Variants in TBL1XR1 observed in about 807,000 individuals in gnomAD.
TBL1XR1 encodes the protein F-box-like/WD repeat-containing protein TBL1XR1.
A neutral mutation model predicts 66.9 loss-of-function variants in TBL1XR1; 5 were observed. The observed-to-expected ratio is 0.07, with a 90% CI of 0.04 to 0.16. The LOEUF (loss-of-function observed/expected upper bound fraction) is 0.16. Ranked by LOEUF, TBL1XR1 falls within the 10% of genes least tolerant of loss-of-function variation. TBL1XR1 has a pLI of 1.00. For missense variants in TBL1XR1, 238 were observed against 623.2 expected (o/e 0.38, Z 6.58); for synonymous variants, 210 against 206.0 (o/e 1.02, Z -0.17).
intron 2 of TBL1XR1, among the ~76,000 whole-genome samples, chr3:177,094,753 G>T (rs184842734): frequency 6.6e-6 from 1 of 152,152 alleles, no homozygotes; most frequent in African/African-American, 2.4e-5. Flanking sequence ...TCACTCATAA[G>T]TGAGAGCGAA....
chr3:177,046,659 T>C (rs1716365121), intron 9 of TBL1XR1, among the ~76,000 whole-genome samples: 3 of 152,314 alleles, frequency 2.0e-5, no homozygotes, highest in South Asian at 2.1e-4. Flanking sequence ...TGGCGGTGAC[T>C]ATTAACAGGA....
chr3:177,166,635 T>C (rs1481024520), intron 1 of TBL1XR1, among the ~76,000 whole-genome samples: 1 of 152,214 alleles, frequency 6.6e-6, no homozygotes, highest in Non-Finnish European at 1.5e-5. Flanking sequence ...CCTTCTGCCA[T>C]GATTGTAAGT....
intron 2 of TBL1XR1, among the ~76,000 whole-genome samples, chr3:177,073,120 G>C (rs1720259231): frequency 1.3e-5 from 2 of 152,100 alleles, no homozygotes; most frequent in South Asian, 4.1e-4. Context: ...TTTAATATCT[G>C]ATACATTTAA....
At chr3:177,148,898 G>A (rs1041920588) in intron 1 of TBL1XR1, among the ~76,000 whole-genome samples, 1 of 151,738 alleles carries the variant, frequency 6.6e-6, no homozygotes, top group Non-Finnish European at 1.5e-5. Context: ...CAGCTACTCG[G>A]GAGGCTAAGG....
At chr3:177,187,896 A>G (rs1214025457) in intron 1 of TBL1XR1, among the ~76,000 whole-genome samples, 2 of 147,628 alleles carry the variant, frequency 1.4e-5, no homozygotes, top group Non-Finnish European at 3.0e-5. Context: ...ATTTTTAAAC[A>G]TTTAAAAAGA....
intron 1 of TBL1XR1, among the ~76,000 whole-genome samples, chr3:177,153,396 A>G (rs1342984984): frequency 6.6e-6 from 1 of 152,218 alleles, no homozygotes; most frequent in Non-Finnish European, 1.5e-5. Context: ...ACGCATGCAC[A>G]TATAAGACTT....
chr3:177,113,754 T>C (rs1259295351), intron 1 of TBL1XR1, among the ~76,000 whole-genome samples: 1 of 152,148 alleles, frequency 6.6e-6, no homozygotes, highest in Non-Finnish European at 1.5e-5. Context: ...ATCAACGGGT[T>C]TATGAAAGAA....
chr3:177,069,793 A>AAAGGAAGGGAAGGAAGGGAAGGAAGG (rs1693635433), intron 2 of TBL1XR1, among the ~76,000 whole-genome samples: 6 of 92,342 alleles, frequency 6.5e-5, no homozygotes, highest in African/African-American at 2.7e-4. Flanking sequence ...AAAAGGAAGG[A>AAAGGAAGGGAAGGAAGGGAAGGAAGG]AAGGAAGGAA....
At chr3:177,092,706 G>C (rs968740169) in intron 2 of TBL1XR1, among the ~76,000 whole-genome samples, 12 of 141,548 alleles carry the variant, frequency 8.5e-5, no homozygotes, top group Non-Finnish European at 1.9e-4. Context: ...AAAGAGTACA[G>C]AAGTTTTTCA....
chr3:177,105,359 A>G, intron 1 of TBL1XR1, among the ~76,000 whole-genome samples: 1 of 152,130 alleles, frequency 6.6e-6, no homozygotes, highest in Non-Finnish European at 1.5e-5. Context: ...TGGGGGGCCG[A>G]AGGAGGGGTG....
At chr3:177,050,179 C>T (rs1577025095) in intron 6 of TBL1XR1, 41 bp from the exon 7 acceptor site, 1 of 1,600,736 alleles carries the variant, frequency 6.2e-7, no homozygotes, top group Non-Finnish European at 8.5e-7. Flanking sequence ...TCATGACATT[C>T]TCACGTATCA....
intron 2 of TBL1XR1, among the ~76,000 whole-genome samples, chr3:177,080,107 T>C (rs1473106257): frequency 1.3e-5 from 2 of 152,206 alleles, no homozygotes; most frequent in East Asian, 1.9e-4. Flanking sequence ...GGGAACAAGG[T>C]TGAAAATAAT....
Position 177,085,937 on chromosome 3 carries a change from T to C in TBL1XR1, c.-46+12529A>G, listed in dbSNP as rs754477261. Among the ~76,000 whole-genome samples, 104 of 152,168 alleles carry C rather than the reference T, an allele frequency of 6.8e-4. 2 individuals are homozygous for C. Among genetic ancestry groups the C allele is most frequent in the Admixed American group, 2.0e-4 (3 of 15,264 alleles). On this transcript the variant is annotated intron_variant, in intron 2 of 15. Coordinates refer to ENST00000457928, the MANE Select transcript of TBL1XR1 (RefSeq NM_024665.7). Reference sequence around the variant, plus strand: ...TGCAAATGAGATAATGGTTCAATTCTTGGTTCTGTAACTATGACAAAGTAT... The same window carrying C: ...TGCAAATGAGATAATGGTTCAATTCCTGGTTCTGTAACTATGACAAAGTAT...
In TBL1XR1 at chr3:177,025,441, C is replaced by A; in HGVS notation, c.*57G>T. The A allele has an allele frequency of 1.3e-6, 2 of 1,591,364 alleles. No individual in the cohort carries two copies. The highest frequency in any genetic ancestry group is 1.7e-6 in the Non-Finnish European group (2 of 1,161,858). ...ACTATAGCAGTACATGGGTCAGGGA[C>A]AGTCATTTTGGCTATGTACACATTC... On this transcript the variant is annotated 3_prime_UTR_variant, in exon 16 of 16. Coordinates refer to ENST00000457928, the MANE Select transcript of TBL1XR1 (RefSeq NM_024665.7).
chr3:177,028,969 A>C (rs952929356), intron 14 of TBL1XR1, among the ~76,000 whole-genome samples: 5 of 152,164 alleles, frequency 3.3e-5, no homozygotes, highest in Admixed American at 3.3e-4. Context: ...ACAACTGACT[A>C]CCCAAATGGA....
chr3:177,037,465 T>C (rs1005103203), intron 12 of TBL1XR1: 1 of 152,190 alleles, frequency 6.6e-6, no homozygotes, highest in Non-Finnish European at 1.5e-5. Context: ...GCATTTAACT[T>C]AGCTGACTGA....
At chr3:177,037,990 A>T in intron 12 of TBL1XR1, 108 bp downstream of exon 12, 1 of 829,876 alleles carries the variant, frequency 1.2e-6, no homozygotes, top group Non-Finnish European at 1.9e-6. Context: ...GTTTTCATGC[A>T]GGTACAAACA....
At chr3:177,179,198 C>T (rs567597207) in intron 1 of TBL1XR1, among the ~76,000 whole-genome samples, 1 of 149,022 alleles carries the variant, frequency 6.7e-6, no homozygotes, top group Admixed American at 6.7e-5. Context: ...CCTCCAAAAA[C>T]TTCAAAGACT....
At chr3:177,193,589 G>A (rs1287045137) in intron 1 of TBL1XR1, among the ~76,000 whole-genome samples, 2 of 152,152 alleles carry the variant, frequency 1.3e-5, no homozygotes, top group Non-Finnish European at 2.9e-5. Context: ...GATTACAGGC[G>A]TGAGCCACTG....
Sources: gnomAD v4.1 joint callset for allele counts (sites outside exome capture counted in the v4.1 genomes callset) on GRCh38, gnomAD v4.1.1 for gene constraint, MANE v1.5 for transcripts, NCBI Gene and HGNC (gene_info 2026-07-23, HGNC 2026-07-21) for gene names.